The following RGS6 variants were observed in gnomAD, a reference collection of about 807,000 sequenced individuals.
The protein encoded by RGS6 is regulator of G-protein signaling 6.
A neutral mutation model predicts 78.5 loss-of-function variants in RGS6; 30 were observed. The ratio of observed to expected loss-of-function variants is 0.38; its 90% CI spans 0.29 to 0.52. The LOEUF (loss-of-function observed/expected upper bound fraction) is 0.52, where lower values mean the gene tolerates loss of function less well. Ranked by LOEUF, RGS6 falls within the 20% of genes least tolerant of loss-of-function variation. The pLI, the probability that RGS6 is intolerant of heterozygous loss-of-function variation, is 0.85. For synonymous variants in RGS6, 206 were observed against 206.0 expected (o/e 1.00, Z 0.00); for missense variants, 495 against 609.7 (o/e 0.81, Z 1.98).
chr14:72,313,042 G>T (rs1007472777), intron 2 of RGS6, among the ~76,000 whole-genome samples: 2 of 152,216 alleles, frequency 1.3e-5, no homozygotes, highest in African/African-American at 4.8e-5. Context: ...CCTTGGAGCT[G>T]CAGCGACTTG....
intron 2 of RGS6, among the ~76,000 whole-genome samples, chr14:72,046,330 C>T (rs2092833401): frequency 6.6e-6 from 1 of 151,790 alleles, no homozygotes; most frequent in African/African-American, 2.4e-5. Context: ...CTCCCATGTC[C>T]AATGTCTATT....
In RGS6 at chr14:72,379,818, A is replaced by T. The variant is rs560942408; in HGVS notation, c.184+27624A>T. The stretch of plus-strand genomic sequence containing the variant: ...ATTCTTCACAGAAATAGAAAGAATC[A>T]TAAAAATGTACATGGAACCACAAAA... On this transcript the variant is annotated intron_variant, in intron 3 of 17. Coordinates refer to ENST00000553525, the MANE Select transcript of RGS6 (RefSeq NM_001204424.2). Among the ~76,000 whole-genome samples, 4 of 152,180 alleles carry T rather than the reference A, an allele frequency of 2.6e-5. No homozygotes were observed. The East Asian group carries it at 7.7e-4, about 29-fold the overall frequency.
At chr14:72,269,450 C>T (rs574811232) in intron 2 of RGS6, among the ~76,000 whole-genome samples, 128 of 152,302 alleles carry the variant, frequency 8.4e-4, no homozygotes, top group African/African-American at 3.1e-3. Flanking sequence ...TAGTCAGGGC[C>T]TTTGCCCATG....
chr14:72,116,238 C>T (rs185819500), intron 2 of RGS6, among the ~76,000 whole-genome samples: 13 of 152,076 alleles, frequency 8.5e-5, no homozygotes, highest in Non-Finnish European at 1.8e-4. Context: ...ACTGATGAAA[C>T]CCCAGAAGAA....
chr14:72,023,197 G>A (rs2089093623), intron 2 of RGS6, among the ~76,000 whole-genome samples: 1 of 152,216 alleles, frequency 6.6e-6, no homozygotes, highest in South Asian at 2.1e-4. Context: ...ACTTTTCTAA[G>A]CAATGGTCTT....
chr14:72,072,340 C>T (rs1375650614), intron 2 of RGS6, among the ~76,000 whole-genome samples: 1 of 149,956 alleles, frequency 6.7e-6, no homozygotes, highest in African/African-American at 2.5e-5. Flanking sequence ...GATGGAGTCT[C>T]GCTCTGTCGC....
chr14:72,047,909 T>C (rs1462524639), intron 2 of RGS6, among the ~76,000 whole-genome samples: 1 of 148,116 alleles, frequency 6.8e-6, no homozygotes, highest in Non-Finnish European at 1.5e-5. Context: ...TTTTTTTTTT[T>C]TTTTTTTTTT....
At chr14:72,118,272 C>G (rs1271817784) in intron 2 of RGS6, among the ~76,000 whole-genome samples, 3 of 152,114 alleles carry the variant, frequency 2.0e-5, no homozygotes, top group African/African-American at 4.8e-5. Flanking sequence ...AAAATACCCT[C>G]CTGTCCAGTT....
intron 3 of RGS6, among the ~76,000 whole-genome samples, chr14:72,404,959 A>AG (rs1036028620): frequency 2.0e-4 from 30 of 152,348 alleles, no homozygotes; most frequent in Non-Finnish European, 2.9e-4. Flanking sequence ...AGTGAGAGGA[A>AG]GGGGGAACCC....
chr14:71,974,567 G>C (rs1051268964), intron 2 of RGS6, among the ~76,000 whole-genome samples: 5 of 152,150 alleles, frequency 3.3e-5, no homozygotes, highest in Non-Finnish European at 7.4e-5. Flanking sequence ...TTCTGTTCTG[G>C]TCAACCTAAT....
At chr14:72,076,676 G>A (rs1016237067) in intron 2 of RGS6, among the ~76,000 whole-genome samples, 6 of 152,016 alleles carry the variant, frequency 3.9e-5, no homozygotes, top group African/African-American at 1.4e-4. Context: ...CTATAGACAC[G>A]TGCCATCATG....
At chr14:71,883,925 C>A in the RGS6 span, among the ~76,000 whole-genome samples, 1 of 152,288 alleles carries the variant, frequency 6.6e-6, no homozygotes, top group African/African-American at 2.4e-5. Context: ...GAATAATCCA[C>A]CCCCTGTTTA....
At chr14:72,412,022 A>T (rs927561420) in intron 3 of RGS6, among the ~76,000 whole-genome samples, 4 of 152,030 alleles carry the variant, frequency 2.6e-5, no homozygotes, top group East Asian at 1.9e-4. Flanking sequence ...ATTGGTCTAA[A>T]ATTCTCTTTT....
At chr14:72,064,893 G>C (rs967695414) in intron 2 of RGS6, among the ~76,000 whole-genome samples, 2 of 152,092 alleles carry the variant, frequency 1.3e-5, no homozygotes, top group African/African-American at 2.4e-5. Context: ...TGTGGCAATG[G>C]TATCATGTGG....
At chr14:72,373,054 T>C (rs536076158) in intron 3 of RGS6, among the ~76,000 whole-genome samples, 1 of 152,002 alleles carries the variant, frequency 6.6e-6, no homozygotes, top group South Asian at 2.1e-4. Context: ...GGGAGCATCA[T>C]CATGGAGACA....
chr14:72,411,981 G>A (rs993918932), intron 3 of RGS6, among the ~76,000 whole-genome samples: 4 of 152,132 alleles, frequency 2.6e-5, no homozygotes, highest in Non-Finnish European at 4.4e-5. Flanking sequence ...GTATTTTACC[G>A]AGAATTTTTG....
intron 13 of RGS6, among the ~76,000 whole-genome samples, chr14:72,499,118 A>T (rs562667724): frequency 6.6e-5 from 10 of 152,272 alleles, no homozygotes; most frequent in Non-Finnish European, 1.0e-4. Flanking sequence ...TTCCTCGCCA[A>T]GGTACTCCCC....
chr14:72,335,209 C>T (rs1350557365), intron 2 of RGS6, among the ~76,000 whole-genome samples: 1 of 152,196 alleles, frequency 6.6e-6, no homozygotes, highest in Admixed American at 6.5e-5. Flanking sequence ...ATTATCCAGT[C>T]TCAGGTAGGT....
intron 3 of RGS6, among the ~76,000 whole-genome samples, chr14:72,420,307 C>CT (rs2094105680): frequency 6.6e-6 from 1 of 152,230 alleles, no homozygotes; most frequent in Admixed American, 6.5e-5. Context: ...CAGATGCTAA[C>CT]TGTCTGCAGG....
Sources: gnomAD v4.1 joint callset for allele counts (sites outside exome capture counted in the v4.1 genomes callset) on GRCh38, gnomAD v4.1.1 for gene constraint, MANE v1.5 for transcripts, NCBI Gene and HGNC (gene_info 2026-07-23, HGNC 2026-07-21) for gene names.